Variants in TAPBPL observed in about 807,000 individuals in gnomAD.
TAPBPL encodes TAP binding protein like, also known as tapasin-related protein.
A neutral mutation model predicts 44.8 loss-of-function variants in TAPBPL; 32 were observed. The ratio of observed to expected loss-of-function variants is 0.71; its 90% CI spans 0.54 to 0.96. The LOEUF (loss-of-function observed/expected upper bound fraction) is 0.96, where lower values mean the gene tolerates loss of function less well. Among genes scored for constraint, TAPBPL ranks in the 40% least tolerant of loss-of-function variants. The probability of loss-of-function intolerance (pLI) is 0.00; values close to 1 mark genes in which losing one functional copy is unlikely to be tolerated. For synonymous variants in TAPBPL, 230 were observed against 240.7 expected, an observed-to-expected ratio of 0.96 and a Z score of 0.41; for missense variants, 520 against 586.6, an observed-to-expected ratio of 0.89 and a Z score of 1.17.
downstream of TAPBPL, chr12:6,462,563 GAGAA>G (rs1949903965): frequency 3.6e-6 from 2 of 555,076 alleles, no homozygotes; most frequent in South Asian, 2.5e-5. Flanking sequence ...CAGGGTGGGT[GAGAA>G]AGAAAGTAGA....
Position 6,459,751 on chromosome 12 carries a change from TATTTATTTATTTA to T in TAPBPL, c.1207+805_1207+817del, listed in dbSNP as rs1320820706. Among the ~76,000 whole-genome samples, 968 of 146,154 alleles carry T rather than the reference TATTTATTTATTTA, an allele frequency of 6.6e-3. 7 individuals carry two copies. The highest frequency in any genetic ancestry group is 0.025 in the African/African-American group (932 of 36,768). On this transcript the variant is annotated intron_variant, in intron 5 of 6. Coordinates refer to ENST00000266556, the MANE Select transcript of TAPBPL (RefSeq NM_018009.5). The stretch of plus-strand genomic sequence containing the variant: ...TTATTTATTTATTTATTTATTTATT[TATTTATTTATTTA>T]TTTTATTTTATTTTACTTTTTTTCG...
chr12:6,464,810 C>CCAGG (rs993116216), downstream of TAPBPL: 58 of 1,604,094 alleles, frequency 3.6e-5, no homozygotes, highest in South Asian at 1.2e-4. Context: ...GCCCCACTCC[C>CCAGG]CAGGCAGGCA....
intron 3 of TAPBPL, among the ~76,000 whole-genome samples, chr12:6,456,141 CTT>C (rs67061869): frequency 1.3e-4 from 2 of 15,274 alleles, no homozygotes; most frequent in African/African-American, 4.5e-4. Context: ...TTTTTTACTG[CTT>C]TTTCTAAGTA....
At chr12:6,470,456 C>T, downstream of TAPBPL, 5 of 1,605,616 alleles carry the variant, frequency 3.1e-6, no homozygotes, top group South Asian at 5.5e-5. Context: ...CGCCATTTTC[C>T]GTCCCGCAGA....
At chr12:6,466,206 G>C (rs140740293), downstream of TAPBPL, 1 of 1,614,112 alleles carries the variant, frequency 6.2e-7, no homozygotes, top group South Asian at 1.1e-5. Context: ...AACTTTCAGA[G>C]AAACAGCTAT....
intron 1 of TAPBPL, 145 bp from the exon 2 acceptor site, chr12:6,452,922 G>A: frequency 1.2e-6 from 1 of 859,052 alleles, no homozygotes; most frequent in East Asian, 2.7e-5. Flanking sequence ...GGGATGACGG[G>A]AGAATAGAGG....
Position 6,457,549 on chromosome 12 carries a change from T to A in TAPBPL, c.709T>A (p.Leu237Met), listed in dbSNP as rs767049553. The change falls in exon 4 of 7, where the codon TTG (leucine) becomes ATG (methionine). Residue 237 changes from leucine to methionine, a missense_variant. Coordinates refer to ENST00000266556, the MANE Select transcript of TAPBPL (RefSeq NM_018009.5). The part of the protein sequence containing the change: ...WRLQHKGRGQ[L>M]VYSWTAGQGQ... ...ACTGCAGCACAAGGGCAGGGGTCAG[T>A]TGGTGTACAGCTGGACCGCAGGGCA... The A allele has an allele frequency of 5.6e-6, 9 of 1,614,146 alleles. No individual in the cohort carries two copies. The South Asian group carries it at 8.8e-5, about 16-fold the overall frequency.
rs1242868539 is a variant in TAPBPL at position 6,458,778 on chromosome 12, A to G, written c.1038A>G (p.Gln346=). 1 of 1,614,008 alleles carries G rather than the reference A, an allele frequency of 6.2e-7. No individual in the cohort carries two copies. Among genetic ancestry groups the G allele is most frequent in the Non-Finnish European group, 8.5e-7 (1 of 1,180,036 alleles). ...TREELGGSPA[Q]VSGASFSSLR... ...AGGAGCTGGGTGGATCCCCAGCCCAAGTCTCTGGTGCCTCCTTCTCCAGCC... is the reference window on the plus strand; with the variant it reads ...AGGAGCTGGGTGGATCCCCAGCCCAGGTCTCTGGTGCCTCCTTCTCCAGCC... The change falls in exon 5 of 7, where the codon CAA becomes CAG. Residue 346 remains glutamine, a synonymous_variant. Transcript: ENST00000266556.
Position 6,453,332 on chromosome 12 carries a change from G to T in TAPBPL, c.295+35G>T, listed in dbSNP as rs376284563. ...TTCCACCTGTGTCCTTGGTCCTCCCGGGCTCCCTCCACCAGGACAGCCCAG... is the reference window on the plus strand; with the variant it reads ...TTCCACCTGTGTCCTTGGTCCTCCCTGGCTCCCTCCACCAGGACAGCCCAG... On this transcript the variant is annotated intron_variant, in intron 2 of 6. Coordinates refer to ENST00000266556, the MANE Select transcript of TAPBPL (RefSeq NM_018009.5). This position sits in a 1 kb window ranked among gnomAD's most constrained non-coding sequence, Gnocchi z 4.8. 1 of 1,611,156 alleles carries T rather than the reference G, an allele frequency of 6.2e-7. No homozygotes were observed.
At chr12:6,461,190 G>C in intron 6 of TAPBPL, 1 of 1,322,422 alleles carries the variant, frequency 7.6e-7, no homozygotes, top group Middle Eastern at 3.0e-4. Context: ...CGTGCTCCCA[G>C]AAGGACTCTA....
downstream of TAPBPL, chr12:6,464,076 G>A (rs919054192): frequency 3.8e-6 from 5 of 1,302,622 alleles, no homozygotes; most frequent in Admixed American, 4.6e-5. Context: ...CAGTGGCCAG[G>A]TTTTCTAGAA....
intron 3 of TAPBPL, among the ~76,000 whole-genome samples, chr12:6,454,109 A>T (rs1455107420): frequency 6.8e-6 from 1 of 146,860 alleles, no homozygotes; most frequent in East Asian, 2.1e-4. Flanking sequence ...GAAAGGGAAC[A>T]AATCCACCTC....
At chr12:6,470,854 C>G (rs555503140), downstream of TAPBPL, 1 of 477,370 alleles carries the variant, frequency 2.1e-6, no homozygotes, top group African/African-American at 1.9e-5. Context: ...CGGAAAGGAG[C>G]GGTTGCTGTG....
chr12:6,466,050 G>A (rs778238290), downstream of TAPBPL: 3 of 1,612,884 alleles, frequency 1.9e-6, no homozygotes, highest in Admixed American at 5.0e-5. Context: ...CAGAGACAGA[G>A]GAAAGGACAA....
downstream of TAPBPL, among the ~76,000 whole-genome samples, chr12:6,469,083 C>T (rs1226040801): frequency 6.6e-6 from 1 of 152,198 alleles, no homozygotes; most frequent in Non-Finnish European, 1.5e-5. Context: ...CTCAGAGAGG[C>T]TATGGTAGCA....
chr12:6,463,124 C>T, downstream of TAPBPL: 5 of 1,492,726 alleles, frequency 3.3e-6, no homozygotes, highest in Non-Finnish European at 3.6e-6. The surrounding 1 kb of genome is among the most constrained non-coding windows in gnomAD (Gnocchi z 4.0). Context: ...GAGCAGATCC[C>T]ATCCTCAGGT....
chr12:6,457,612 G>T lies in TAPBPL; in HGVS notation c.772G>T (p.Ala258Ser). The T allele has an allele frequency of 6.2e-7, 1 of 1,614,170 alleles. No homozygotes were observed. ...AVRKGATLEP[A>S]QLGMARDASL... Reference sequence around the variant, plus strand: ...GCGGAAGGGCGCTACCCTGGAGCCTGCACAACTGGGCATGGCCAGGGATGC... The same window carrying T: ...GCGGAAGGGCGCTACCCTGGAGCCTTCACAACTGGGCATGGCCAGGGATGC... Residue 258 changes from alanine (A) to serine (S), a missense_variant, in exon 4 of 7, where the codon GCA becomes TCA. By Grantham distance (99) the Ala-to-Ser change is moderately conservative. Transcript: ENST00000266556.
Position 6,452,222 on chromosome 12 carries a change from C to T in TAPBPL, c.-27C>T. On this transcript the variant is annotated 5_prime_UTR_variant, in exon 1 of 7. Coordinates refer to ENST00000266556, the MANE Select transcript of TAPBPL (RefSeq NM_018009.5). ...TAGGACTGTGGAGAAGGGCGGTGGG[C>T]AAGGAGGGAACTCGAGAGCAGCCTC... is the stretch of plus-strand genomic sequence containing the variant. The T allele has an allele frequency of 6.4e-7, 1 of 1,562,884 alleles. No individual in the cohort carries two copies. The highest frequency in any genetic ancestry group is 2.3e-5 in the East Asian group (1 of 43,024).
upstream of TAPBPL, chr12:6,451,939 G>A (rs1175998722): frequency 2.2e-6 from 1 of 446,768 alleles, no homozygotes; most frequent in Non-Finnish European, 4.1e-6. Flanking sequence ...GACAGGTGGG[G>A]AGCAAAAGGG....
Sources: allele counts gnomAD v4.1 joint callset (sites outside exome capture counted in the v4.1 genomes callset), GRCh38; gene constraint gnomAD v4.1.1; non-coding constraint Gnocchi (gnomAD v3.1); transcripts MANE v1.5; gene names NCBI Gene and HGNC (gene_info 2026-07-23, HGNC 2026-07-21).